IDO2: variants seen among roughly 807,000 people sequenced by gnomAD.
IDO2 encodes the protein indoleamine 2,3-dioxygenase-like 1 protein.
A neutral mutation model predicts 45.1 loss-of-function variants in IDO2; 46 were observed. The observed-to-expected ratio is 1.02, with a 90% confidence interval of 0.80 to 1.30. The LOEUF (loss-of-function observed/expected upper bound fraction) is 1.30. Ranked by LOEUF, IDO2 falls within the 50% of genes most tolerant of loss-of-function variation. The pLI is 0.00. For synonymous variants in IDO2, 218 were observed against 184.9 expected (o/e 1.18, Z -1.45); for missense variants, 544 against 491.8 (o/e 1.11, Z -1.00).
chr8:39,968,421 T>C (rs952215332), intron 3 of IDO2, among the ~76,000 whole-genome samples: 5 of 152,172 alleles, frequency 3.3e-5, no homozygotes, highest in African/African-American at 1.2e-4. Context: ...TGAAACTGTT[T>C]TATATGGCAC....
At chr8:40,013,491 TCA>T (rs140436068) in intron 9 of IDO2, 72 bp from the exon 10 acceptor site, 63,635 of 1,384,962 alleles carry the variant, frequency 0.046, 1,721 homozygotes, top group Non-Finnish European at 0.053. Context: ...TCATTCACTC[TCA>T]GTTTCCATGT....
chr8:39,996,912 G>A (rs1802053554), intron 8 of IDO2, among the ~76,000 whole-genome samples: 2 of 152,124 alleles, frequency 1.3e-5, no homozygotes, highest in Non-Finnish European at 1.5e-5. Context: ...TACATTAACA[G>A]GCACAATGAA....
At chr8:39,976,404 A>T (rs6991267) in intron 3 of IDO2, among the ~76,000 whole-genome samples, 11,421 of 152,204 alleles carry the variant, frequency 0.075, 1,401 homozygotes, top group African/African-American at 0.26. Context: ...ACAATCAATG[A>T]GAGGTACACA....
chr8:39,982,943 C>T (rs1563434596), intron 5 of IDO2, among the ~76,000 whole-genome samples, 173 bp downstream of exon 5: 1 of 152,166 alleles, frequency 6.6e-6, no homozygotes, highest in Non-Finnish European at 1.5e-5. Context: ...CCTCTTAATC[C>T]ATTCTGAACA....
In IDO2 at chr8:39,972,620, A is replaced by AAAAG. The variant is rs1808195659; in HGVS notation, c.196-6444_196-6443insGAAA. 1.3e-5 allele frequency among the ~76,000 whole-genome samples: 2 copies of AAAAG among 150,920 alleles called. 1 individual carries two copies. Among genetic ancestry groups the AAAAG allele is most frequent in the Non-Finnish European group, 3.0e-5 (2 of 67,726 alleles). On this transcript the variant is annotated intron_variant, in intron 3 of 10. Coordinates refer to ENST00000502986, the Ensembl canonical transcript of IDO2. Reference sequence around the variant, plus strand: ...GCAAGACTCCATCTCAAAAAAAAAAAAAAAAAAAAAAAAAAGTTCTACTGG... The same window carrying AAAAG: ...GCAAGACTCCATCTCAAAAAAAAAAAAAAGAAAAAAAAAAAAAAAGTTCTACTGG...
intron 3 of IDO2, among the ~76,000 whole-genome samples, chr8:39,972,064 C>G (rs1021742207): frequency 6.9e-4 from 105 of 152,278 alleles, no homozygotes; most frequent in African/African-American, 2.4e-3. Flanking sequence ...CCCACCTTGG[C>G]CTCCCAAAGT....
intron 8 of IDO2, among the ~76,000 whole-genome samples, chr8:40,001,733 C>G (rs1802140336): frequency 6.6e-6 from 1 of 152,064 alleles, no homozygotes; most frequent in Non-Finnish European, 1.5e-5. Flanking sequence ...TTGTGAAAGT[C>G]TGTGGTTTAA....
intron 5 of IDO2, among the ~76,000 whole-genome samples, chr8:39,983,801 G>A (rs893924423): frequency 2.0e-5 from 3 of 152,046 alleles, no homozygotes; most frequent in Admixed American, 2.0e-4. Flanking sequence ...AGGAAGTAGA[G>A]GTTGCAGTGA....
chr8:39,956,059 C>CTT (rs34663844), intron 2 of IDO2, among the ~76,000 whole-genome samples: 26 of 131,416 alleles, frequency 2.0e-4, no homozygotes, highest in African/African-American at 6.6e-4. Flanking sequence ...CATTAGATGA[C>CTT]TTTTTTTTTT....
intron 9 of IDO2, 77 bp from the exon 10 acceptor site, chr8:40,013,488 C>A: frequency 7.4e-7 from 1 of 1,356,388 alleles, no homozygotes; most frequent in Non-Finnish European, 1.0e-6. Context: ...TTCTCATTCA[C>A]TCTCAGTTTC....
chr8:39,982,870 G>A (rs113319311), intron 5 of IDO2, 100 bp downstream of exon 5: 63 of 764,804 alleles, frequency 8.2e-5, no homozygotes, highest in Middle Eastern at 2.4e-4. Flanking sequence ...ATGGTCTGCC[G>A]TATGGTTCCA....
At chr8:40,007,237 A>G (rs192491955) in intron 9 of IDO2, among the ~76,000 whole-genome samples, 1 of 152,140 alleles carries the variant, frequency 6.6e-6, no homozygotes, top group Admixed American at 6.6e-5. Context: ...GGATACAGCA[A>G]GAGACATGCA....
rs1274927544 is a variant in IDO2 at position 39,979,551 on chromosome 8, C to T, written c.315+365C>T. 7.2e-5 allele frequency among the ~76,000 whole-genome samples: 11 copies of T among 152,266 alleles called. No homozygotes were observed. In the East Asian group the frequency reaches 1.9e-3, roughly 27 times the overall value. ...GTATTTTTAGTAGAGATGGGTTTCACCATGTTGCCCAGGCTGGTCTCGAAC... is the reference window on the plus strand; with the variant it reads ...GTATTTTTAGTAGAGATGGGTTTCATCATGTTGCCCAGGCTGGTCTCGAAC... On this transcript the variant is annotated intron_variant, in intron 4 of 10. Transcript: ENST00000502986.
At chr8:39,982,240 A>G (rs925561971) in intron 4 of IDO2, among the ~76,000 whole-genome samples, 3,237 of 121,056 alleles carry the variant, frequency 0.027, 124 homozygotes, top group African/African-American at 0.082. Context: ...ATGTGTGTAT[A>G]TATATATATA....
rs1284026044 is a variant in IDO2, at chr8:39,943,650, T to G, written c.-17-5499T>G. Among the ~76,000 whole-genome samples the G allele has an allele frequency of 2.8e-5, 4 of 141,072 alleles. No individual in the cohort carries two copies. In the East Asian group the frequency reaches 8.4e-4, roughly 30 times the overall value. The allele number at this position is 141,072 out of a possible 152,430, so 92.5% of individuals were successfully genotyped here. A position where few individuals can be genotyped will look rare whatever the true frequency, so the allele number is the denominator to read the frequency against. On this transcript the variant is annotated intron_variant, in intron 1 of 10. Coordinates refer to ENST00000502986, the Ensembl canonical transcript of IDO2. ...TACTCGGGAGGCTGAGGCAGGAGAA[T>G]GGCGTGAACCCCGGGGGGCGGAGCC...
chr8:39,935,568 G>T (rs1807533176), intron 1 of IDO2, among the ~76,000 whole-genome samples: 1 of 152,006 alleles, frequency 6.6e-6, no homozygotes, highest in South Asian at 2.1e-4. Flanking sequence ...TTCTGCCACA[G>T]CCTTCCAAGT....
chr8:40,013,707 G>A, exon 10 of IDO2: 1 of 1,604,714 alleles, frequency 6.2e-7, no homozygotes, highest in South Asian at 1.1e-5. Flanking sequence ...TCATAGCAAG[G>A]AAAGTGGTAA....
At chr8:40,009,375 T>C (rs1249496121) in intron 9 of IDO2, among the ~76,000 whole-genome samples, 2 of 151,892 alleles carry the variant, frequency 1.3e-5, no homozygotes, top group Admixed American at 6.6e-5. Flanking sequence ...CATATGTAGA[T>C]GACACATATT....
rs150888395 is a variant in IDO2 at position 39,976,346 on chromosome 8, A to C, written c.196-2721A>C. Among the ~76,000 whole-genome samples, 768 of 152,314 alleles carry C rather than the reference A, an allele frequency of 5.0e-3. 4 individuals carry two copies. The highest frequency in any genetic ancestry group is 0.018 in the African/African-American group (752 of 41,576). ...ATATATAAATAGCGAGGAAATAACA[A>C]ATACAAAATTCAACAAATAGATACT... On this transcript the variant is annotated intron_variant, in intron 3 of 10. Transcript: ENST00000502986.
Sources: allele counts gnomAD v4.1 joint callset (sites outside exome capture counted in the v4.1 genomes callset), GRCh38; gene constraint gnomAD v4.1.1; transcripts MANE v1.5; gene names NCBI Gene and HGNC (gene_info 2026-07-23, HGNC 2026-07-21).